The following STAC variants were observed in gnomAD, a reference collection of about 807,000 sequenced individuals.
STAC encodes SH3 and cysteine-rich domain-containing protein.
A neutral mutation model predicts 48.8 loss-of-function variants in STAC; 43 were observed. The observed-to-expected ratio is 0.88, with a 90% CI of 0.69 to 1.14. The LOEUF is 1.14. Ranked by LOEUF, STAC falls within the 50% of genes most tolerant of loss-of-function variation. The pLI, the probability that STAC is intolerant of heterozygous loss-of-function variation, is 0.00. For missense variants in STAC, 497 were observed against 504.0 expected, an observed-to-expected ratio of 0.99 and a Z score of 0.13; for synonymous variants, 193 against 179.5, an observed-to-expected ratio of 1.07 and a Z score of -0.60.
At chr3:36,500,741 T>C (rs1698262395) in intron 6 of STAC, among the ~76,000 whole-genome samples, 2 of 152,166 alleles carry the variant, frequency 1.3e-5, no homozygotes, top group Admixed American at 6.6e-5. Flanking sequence ...TAGAAATCAA[T>C]AGTCAAAAGA....
chr3:36,493,116 T>C (rs1698035721), intron 5 of STAC, 35 bp from the exon 6 acceptor site: 2 of 1,595,712 alleles, frequency 1.3e-6, no homozygotes, highest in Non-Finnish European at 1.7e-6. Context: ...AGATATAACA[T>C]TGTTCATCCC....
At chr3:36,453,399 G>T (rs376993797) in intron 2 of STAC, among the ~76,000 whole-genome samples, 10 of 152,248 alleles carry the variant, frequency 6.6e-5, no homozygotes, top group Admixed American at 5.2e-4. Flanking sequence ...GCCAGCGTGA[G>T]TTCCGGGTGG....
intron 1 of STAC, among the ~76,000 whole-genome samples, chr3:36,442,414 TAC>T (rs1244744194): frequency 6.6e-6 from 1 of 152,120 alleles, no homozygotes; most frequent in Non-Finnish European, 1.5e-5. Flanking sequence ...AAAAACTATG[TAC>T]TAAGGACTAG....
At chr3:36,463,881 A>G (rs146013820) in intron 2 of STAC, among the ~76,000 whole-genome samples, 4,774 of 151,994 alleles carry the variant, frequency 0.031, 223 homozygotes, top group African/African-American at 0.11. Context: ...GTATTCCATG[A>G]TGTATATGTG....
intron 5 of STAC, among the ~76,000 whole-genome samples, chr3:36,486,493 A>G (rs1015687935): frequency 4.6e-5 from 7 of 152,046 alleles, no homozygotes; most frequent in Non-Finnish European, 1.0e-4. Flanking sequence ...ATGCTCCTTG[A>G]CCCTTCCCAT....
At chr3:36,434,450 C>T (rs59646412) in intron 1 of STAC, among the ~76,000 whole-genome samples, 3,554 of 152,238 alleles carry the variant, frequency 0.023, 61 homozygotes, top group East Asian at 0.026. Flanking sequence ...AAGGAGGAAA[C>T]ATTTGCTTGT....
chr3:36,399,664 A>G (rs1308866056), intron 1 of STAC, among the ~76,000 whole-genome samples: 1 of 152,212 alleles, frequency 6.6e-6, no homozygotes, highest in Non-Finnish European at 1.5e-5. Flanking sequence ...TTGTCCCCTC[A>G]TATGGCCATC....
At chr3:36,452,788 G>T (rs982592142) in intron 2 of STAC, among the ~76,000 whole-genome samples, 1 of 152,232 alleles carries the variant, frequency 6.6e-6, no homozygotes, top group African/African-American at 2.4e-5. Flanking sequence ...AGACTGGGAA[G>T]TAGCAAAGGA....
chr3:36,534,525 T>A (rs573544855), intron 10 of STAC, among the ~76,000 whole-genome samples: 1 of 152,244 alleles, frequency 6.6e-6, no homozygotes, highest in African/African-American at 2.4e-5. Context: ...GCAATGCACA[T>A]CTTTGATTAA....
chr3:36,466,143 G>T (rs565308983), intron 2 of STAC, among the ~76,000 whole-genome samples: 51 of 152,288 alleles, frequency 3.3e-4, no homozygotes, highest in African/African-American at 1.2e-3. Context: ...AGCACCATTT[G>T]TTGAATAGGA....
At chr3:36,510,429 C>A (rs1698507617) in intron 8 of STAC, among the ~76,000 whole-genome samples, 1 of 152,150 alleles carries the variant, frequency 6.6e-6, no homozygotes, top group Admixed American at 6.6e-5. Context: ...AGAACTACTA[C>A]CTTTTGACCC....
chr3:36,491,250 G>A (rs922926463), intron 5 of STAC, among the ~76,000 whole-genome samples: 16 of 152,162 alleles, frequency 1.1e-4, no homozygotes, highest in African/African-American at 3.6e-4. Context: ...CAAGGCTGCC[G>A]AGGCATTTGT....
rs573443751 is a variant in STAC at position 36,454,351 on chromosome 3, C to G, written c.388+10711C>G. On this transcript the variant is annotated intron_variant, in intron 2 of 10. Coordinates refer to ENST00000273183, the MANE Select transcript of STAC (RefSeq NM_003149.3). ...ACGCGTCGCCTTAAGAGCTGTAACA[C>G]TCACCACGAACGTCTGCAGCTTCAC... 2.6e-4 allele frequency among the ~76,000 whole-genome samples: 40 copies of G among 152,178 alleles called. No homozygotes were observed. The South Asian group carries it at 8.3e-3, about 32-fold the overall frequency.
intron 1 of STAC, among the ~76,000 whole-genome samples, chr3:36,424,179 T>C (rs773989753): frequency 2.0e-5 from 3 of 152,102 alleles, no homozygotes; most frequent in South Asian, 2.1e-4. Flanking sequence ...AGTGACTATA[T>C]GGCTGCTCTT....
chr3:36,389,554 T>C (rs1022330933), intron 1 of STAC, among the ~76,000 whole-genome samples: 2 of 152,210 alleles, frequency 1.3e-5, no homozygotes, highest in Admixed American at 6.5e-5. Flanking sequence ...TACTCTGACT[T>C]ACTATTATGA....
intron 1 of STAC, among the ~76,000 whole-genome samples, chr3:36,385,192 C>T (rs774227926): frequency 1.1e-4 from 16 of 152,058 alleles, no homozygotes; most frequent in Non-Finnish European, 2.4e-4. Context: ...TAATGTTATA[C>T]GTAGTCTTCC....
intron 1 of STAC, among the ~76,000 whole-genome samples, chr3:36,433,105 G>A (rs1468547878): frequency 6.6e-6 from 1 of 152,194 alleles, no homozygotes; most frequent in Non-Finnish European, 1.5e-5. Context: ...GGTCACGTAG[G>A]AGGGACCATC....
chr3:36,493,124 C>T, intron 5 of STAC, 27 bp from the exon 6 acceptor site: 2 of 1,602,186 alleles, frequency 1.2e-6, no homozygotes, highest in South Asian at 2.2e-5. Flanking sequence ...CATTGTTCAT[C>T]CCATGCTCTT....
intron 6 of STAC, among the ~76,000 whole-genome samples, chr3:36,496,580 T>C (rs750266268): frequency 6.6e-6 from 1 of 152,250 alleles, no homozygotes; most frequent in African/African-American, 2.4e-5. Flanking sequence ...ATTTCTTTAC[T>C]GCTAAGAGTA....
Sources: allele counts gnomAD v4.1 joint callset (sites outside exome capture counted in the v4.1 genomes callset), GRCh38; gene constraint gnomAD v4.1.1; transcripts MANE v1.5; gene names NCBI Gene and HGNC (gene_info 2026-07-23, HGNC 2026-07-21).